Variants in TAGAP observed in about 807,000 individuals in gnomAD.
The protein encoded by TAGAP is T cell activation RhoGTPase activating protein.
TAGAP carries 16 observed loss-of-function variants against 36.0 expected under a neutral mutation model. The observed-to-expected ratio is 0.44, with a 90% confidence interval of 0.30 to 0.68. The LOEUF is 0.68. TAGAP is among the 30% of genes least tolerant of loss of function. The pLI is 0.09. For synonymous variants in TAGAP, 372 were observed against 377.4 expected (o/e 0.99, Z 0.17); for missense variants, 794 against 921.5 (o/e 0.86, Z 1.79).
At position 159,036,639 on chromosome 6, in the gene TAGAP, TGGA is replaced by T. The variant is rs769732922; in HGVS notation, c.1381_1383del (p.Ser464del). On this transcript the variant is annotated inframe_deletion, in exon 10 of 10. Transcript: ENST00000367066. This position sits in a 1 kb window ranked among gnomAD's most constrained non-coding sequence, Gnocchi z 4.9. The stretch of plus-strand genomic sequence containing the variant: ...TCAGAGGACGCGTCCAGCGAGCTGC[TGGA>T]GAAGGCTTTGAGAACCAGTGCCCGC... 1 of 1,614,176 alleles carries T rather than the reference TGGA, an allele frequency of 6.2e-7. No homozygotes were observed. The highest frequency in any genetic ancestry group is 1.1e-5 in the South Asian group (1 of 91,086).
intron 8 of TAGAP, among the ~76,000 whole-genome samples, chr6:159,038,579 G>A (rs1268300033): frequency 1.3e-5 from 2 of 151,834 alleles, no homozygotes; most frequent in African/African-American, 4.8e-5. Context: ...TAGTGGAGAC[G>A]GGGTTTTGTC....
In TAGAP at chr6:159,036,944, C is replaced by T; in HGVS notation, c.1079G>A (p.Ser360Asn). 1 of 1,613,580 alleles carries T rather than the reference C, an allele frequency of 6.2e-7. No individual in the cohort carries two copies. Among genetic ancestry groups the T allele is most frequent in the Non-Finnish European group, 8.5e-7 (1 of 1,179,586 alleles). The change falls in exon 10 of 10, where the codon AGC becomes AAC. Residue 360 changes from serine to asparagine, a missense_variant. Physicochemically the swap from Ser to Asn is conservative, Grantham distance 46. Transcript: ENST00000367066. The surrounding 1 kb of genome is among the most constrained non-coding windows in gnomAD (Gnocchi z 4.9). Reference sequence around the variant, plus strand: ...GGAGCTTTTCAGCCTGGCCACGGTGCTCACAATGGGCTCTGGGCTGACCTC... The same window carrying T: ...GGAGCTTTTCAGCCTGGCCACGGTGTTCACAATGGGCTCTGGGCTGACCTC... ...AREVSPEPIV[S>N]TVARLKSSLA...
chr6:159,039,533 T>C (rs929629071), intron 7 of TAGAP, among the ~76,000 whole-genome samples: 4 of 152,232 alleles, frequency 2.6e-5, no homozygotes, highest in Non-Finnish European at 4.4e-5. Context: ...CCTTTGTAAT[T>C]GGGACACCAA....
At chr6:159,042,403 A>AT (rs1779788739) in intron 4 of TAGAP, 159 bp from the exon 5 acceptor site, 1 of 1,409,620 alleles carries the variant, frequency 7.1e-7, no homozygotes, top group Admixed American at 3.1e-5. Flanking sequence ...AAGGGCGTGA[A>AT]TCTTAATCTA....
rs752754804 is a variant in TAGAP at position 159,036,859 on chromosome 6, G to A, written c.1164C>T (p.Leu388=). ...GTGTTTGGTTTGTCACCCGGCTCTC[G>A]AGGCACTCCTGGGAGGATGGCATGC... is the stretch of plus-strand genomic sequence containing the variant. The part of the protein sequence containing the change: ...EPSMPSSQEC[L]ESRVTNQTLT... Residue 388 remains leucine (L), a synonymous_variant, in exon 10 of 10, where the codon CTC becomes CTT. Coordinates refer to ENST00000367066, the MANE Select transcript of TAGAP (RefSeq NM_054114.5). This position sits in a 1 kb window ranked among gnomAD's most constrained non-coding sequence, Gnocchi z 4.9. The A allele has an allele frequency of 1.9e-6, 3 of 1,614,194 alleles. No individual in the cohort carries two copies. In the Admixed American group the frequency reaches 5.0e-5, roughly 27 times the overall value.
chr6:159,044,877 A>T lies in TAGAP; in HGVS notation c.-59+2T>A, dbSNP rs2114804608. On this transcript the variant is annotated splice_donor_variant, in intron 1 of 9. Coordinates refer to ENST00000367066, the MANE Select transcript of TAGAP (RefSeq NM_054114.5). LOFTEE classifies it low-confidence loss of function (5UTR_SPLICE). ...AGGCATGTTAATATATAGTGTACTT[A>T]CCCTTGGAGGGTCTCTAGCCAGAGT... 1 of 398,584 alleles carries T rather than the reference A, an allele frequency of 2.5e-6. No individual in the cohort carries two copies. The highest frequency in any genetic ancestry group is 3.5e-5 in the East Asian group (1 of 28,208). The allele number at this position is 398,584 out of a possible 1,614,324, so 24.7% of individuals were successfully genotyped here.
Position 159,038,122 on chromosome 6 carries a change from T to C in TAGAP, c.890A>G (p.Asp297Gly), listed in dbSNP as rs577701787. 3.7e-4 allele frequency: 589 copies of C among 1,604,262 alleles called. 7 individuals carry two copies. In the South Asian group the frequency reaches 6.1e-3, roughly 17 times the overall value. ...GATAGCACATTCCATACCTGAACTG[T>C]CAGTGTGCTCCAGGGAGTCATCAGA... Reference protein sequence around the residue: ...ITSDDSLEHTDSSDVSTLQND... With the variant: ...ITSDDSLEHTGSSDVSTLQND... Residue 297 changes from aspartate (D) to glycine (G), a missense_variant, in exon 9 of 10, where the codon GAC (aspartate) becomes GGC (glycine). Physicochemically the swap from Asp to Gly is moderately conservative, Grantham distance 94. Coordinates refer to ENST00000367066, the MANE Select transcript of TAGAP (RefSeq NM_054114.5).
chr6:159,037,162 G>GTTTA lies in TAGAP; in HGVS notation c.899-42_899-39dup, dbSNP rs750735937. 31 of 1,486,816 alleles carry GTTTA rather than the reference G, an allele frequency of 2.1e-5. No individual in the cohort carries two copies. Among genetic ancestry groups the GTTTA allele is most frequent in the South Asian group, 5.2e-5 (4 of 76,814 alleles). 92.1% of individuals were successfully genotyped at this position (1,486,816 alleles called of 1,614,324 possible). ...AAGCAGCAGTTGAACATTTGTTTGG[G>GTTTA]TTTATTTATTTATTTATTTTTATTT... is the stretch of plus-strand genomic sequence containing the variant. On this transcript the variant is annotated intron_variant, in intron 9 of 9. Transcript: ENST00000367066. This position sits in a 1 kb window ranked among gnomAD's most constrained non-coding sequence, Gnocchi z 5.1.
rs769554880 is a variant in TAGAP, at chr6:159,041,417, GAGCTCCTCCTTC to G, written c.402_413del (p.Lys135_Leu138del). ...CCAGATCCACCGCATCCCCAGAGTTGAGCTCCTCCTTCAGCTCCTTACGGGCTTTCTCGTTGG... is the reference window on the plus strand; with the variant it reads ...CCAGATCCACCGCATCCCCAGAGTTGAGCTCCTTACGGGCTTTCTCGTTGG... On this transcript the variant is annotated inframe_deletion, in exon 6 of 10. Coordinates refer to ENST00000367066, the MANE Select transcript of TAGAP (RefSeq NM_054114.5). The surrounding 1 kb of genome is among the most constrained non-coding windows in gnomAD (Gnocchi z 4.1). 6.2e-7 allele frequency: 1 copy of G among 1,614,158 alleles called. No individual in the cohort carries two copies. The highest frequency in any genetic ancestry group is 1.1e-5 in the South Asian group (1 of 91,078).
At position 159,044,188 on chromosome 6, in the gene TAGAP, T is replaced by C; in HGVS notation, c.-42A>G. On this transcript the variant is annotated 5_prime_UTR_variant, in exon 2 of 10. Coordinates refer to ENST00000367066, the MANE Select transcript of TAGAP (RefSeq NM_054114.5). ...TGTCCAGGGGTGGATTTCACTCCCG[T>C]GTGGCTGTGCCTCTGTCTACAACGA... 1 of 1,606,054 alleles carries C rather than the reference T, an allele frequency of 6.2e-7. No individual in the cohort carries two copies. Among genetic ancestry groups the C allele is most frequent in the African/African-American group, 1.3e-5 (1 of 74,384 alleles).
chr6:159,041,976 C>G lies in TAGAP; in HGVS notation c.315+102G>C. 7.7e-7 allele frequency: 1 copy of G among 1,294,018 alleles called. No individual in the cohort carries two copies. The highest frequency in any genetic ancestry group is 1.4e-5 in the South Asian group (1 of 70,344). 80.2% of individuals were successfully genotyped at this position (1,294,018 alleles called of 1,614,324 possible). On this transcript the variant is annotated intron_variant, in intron 5 of 9. Transcript: ENST00000367066. The surrounding 1 kb of genome is among the most constrained non-coding windows in gnomAD (Gnocchi z 4.1). The stretch of plus-strand genomic sequence containing the variant: ...TTGAAGAGTGGAAAATATGGAAGAT[C>G]AGTCCCTACAAACTTAATAGGAGAA...
Position 159,040,712 on chromosome 6 carries a change from T to C in TAGAP, c.587+11A>G, listed in dbSNP as rs371665964. On this transcript the variant is annotated intron_variant, in intron 7 of 9. Coordinates refer to ENST00000367066, the MANE Select transcript of TAGAP (RefSeq NM_054114.5). ...GTGGCCTGGCAATGACCGATGACTT[T>C]GATGACTTACTGTTTCAGGGCCTCG... 3.1e-6 allele frequency: 5 copies of C among 1,611,564 alleles called. No individual in the cohort carries two copies. The African/African-American group carries it at 4.0e-5, about 13-fold the overall frequency.
chr6:159,035,942 A>G lies in TAGAP; in HGVS notation c.2081T>C (p.Leu694Pro). Residue 694 changes from leucine (L) to proline (P), a missense_variant, in exon 10 of 10, where the codon CTG (leucine) becomes CCG (proline). Leu to Pro is a moderately conservative substitution (Grantham distance 98). Transcript: ENST00000367066. ...CTGCACGGACTCGGAGACGGTCCTC[A>G]GCGGGAGGAGCTCAGGTCTCCCTGG... is the stretch of plus-strand genomic sequence containing the variant. ...SGPGRPELLP[L>P]RTVSESVQRN... is the part of the protein sequence containing the mutation. 6.2e-7 allele frequency: 1 copy of G among 1,614,148 alleles called. No individual in the cohort carries two copies. Among genetic ancestry groups the G allele is most frequent in the South Asian group, 1.1e-5 (1 of 91,080 alleles).
chr6:159,035,673 A>C lies in TAGAP; in HGVS notation c.*154T>G. On this transcript the variant is annotated 3_prime_UTR_variant, in exon 10 of 10. Coordinates refer to ENST00000367066, the MANE Select transcript of TAGAP (RefSeq NM_054114.5). ...GTACACAGAGACTATCTGATGCGCC[A>C]TGGCCATGGTGTAGCTATCCTCACT... 1 of 660,160 alleles carries C rather than the reference A, an allele frequency of 1.5e-6. No homozygotes were observed. 40.9% of individuals were successfully genotyped at this position (660,160 alleles called of 1,614,324 possible).
intron 4 of TAGAP, chr6:159,043,060 G>T: frequency 6.6e-6 from 1 of 152,668 alleles, no homozygotes; most frequent in South Asian, 2.0e-4. Context: ...AAATGCATTG[G>T]CATCTGTTTC....
intron 4 of TAGAP, chr6:159,042,994 C>A (rs1464095880): frequency 6.6e-6 from 1 of 152,598 alleles, no homozygotes; most frequent in Non-Finnish European, 1.5e-5. Flanking sequence ...TCTTTCTTTT[C>A]TTTTCCTTCC....
Position 159,036,032 on chromosome 6 carries a change from G to C in TAGAP, c.1991C>G (p.Pro664Arg), listed in dbSNP as rs1476747459. 1.1e-5 allele frequency: 18 copies of C among 1,611,596 alleles called. No individual in the cohort carries two copies. Among genetic ancestry groups the C allele is most frequent in the Non-Finnish European group, 1.4e-5 (16 of 1,178,036 alleles). ...AGTTCTGCTCTGTTTCCATCGCTCA[G>C]GCAGGGGAGAGAGTCCGTGGCCAGG... ...PLPGHGLSPL[P>R]ERWKQSRTVH... Residue 664 changes from proline to arginine, a missense_variant, in exon 10 of 10, where the codon CCT (proline) becomes CGT (arginine). Coordinates refer to ENST00000367066, the MANE Select transcript of TAGAP (RefSeq NM_054114.5). The surrounding 1 kb of genome is among the most constrained non-coding windows in gnomAD (Gnocchi z 4.9).
At position 159,044,197 on chromosome 6, in the gene TAGAP, G is replaced by A; in HGVS notation, c.-51C>T. 6.3e-7 allele frequency: 1 copy of A among 1,599,868 alleles called. No individual in the cohort carries two copies. Among genetic ancestry groups the A allele is most frequent in the Non-Finnish European group, 8.5e-7 (1 of 1,175,060 alleles). Reference sequence around the variant, plus strand: ...GTGGATTTCACTCCCGTGTGGCTGTGCCTCTGTCTACAACGAATCACATGG... The same window carrying A: ...GTGGATTTCACTCCCGTGTGGCTGTACCTCTGTCTACAACGAATCACATGG... On this transcript the variant is annotated 5_prime_UTR_variant, in exon 2 of 10. Transcript: ENST00000367066.
intron 1 of TAGAP, among the ~76,000 whole-genome samples, chr6:159,044,443 T>C (rs1779861956): frequency 6.6e-6 from 1 of 152,250 alleles, no homozygotes; most frequent in South Asian, 2.1e-4. Context: ...ATTTCTAAAT[T>C]ATTTAAGTCA....
Sources: allele counts gnomAD v4.1 joint callset (sites outside exome capture counted in the v4.1 genomes callset), GRCh38; gene constraint gnomAD v4.1.1; non-coding constraint Gnocchi (gnomAD v3.1); transcripts MANE v1.5; gene names NCBI Gene and HGNC (gene_info 2026-07-23, HGNC 2026-07-21).